ASIC2: variants seen among roughly 807,000 people sequenced by gnomAD.
ASIC2 encodes the protein acid-sensing ion channel 2.
In ASIC2, 25 loss-of-function variants were observed where a neutral mutation model predicts 57.3. The ratio of observed to expected loss-of-function variants is 0.44; its 90% CI spans 0.32 to 0.61. ASIC2 has a LOEUF of 0.61. Ranked by LOEUF, ASIC2 falls within the 20% of genes least tolerant of loss-of-function variation. The pLI is 0.06. For missense variants in ASIC2, 641 were observed against 738.1 expected (o/e 0.87, Z 1.52); for synonymous variants, 319 against 307.5 (o/e 1.04, Z -0.39).
intron 1 of ASIC2, among the ~76,000 whole-genome samples, chr17:33,954,375 G>A (rs951100153): frequency 6.6e-6 from 1 of 152,158 alleles, no homozygotes; most frequent in African/African-American, 2.4e-5. Flanking sequence ...TGTAGATTTA[G>A]GACCCTCCCT....
chr17:33,615,384 CAT>C (rs1286592947), intron 1 of ASIC2, among the ~76,000 whole-genome samples: 1 of 152,056 alleles, frequency 6.6e-6, no homozygotes, highest in African/African-American at 2.4e-5. Context: ...CACCCAAAAA[CAT>C]ATGATTCAAT....
chr17:33,354,582 G>A (rs1908305565), intron 1 of ASIC2, among the ~76,000 whole-genome samples: 1 of 151,950 alleles, frequency 6.6e-6, no homozygotes, highest in South Asian at 2.1e-4. Context: ...CTTTCCAGCA[G>A]TGTGGTCCTT....
chr17:33,855,609 T>C (rs945076149), intron 1 of ASIC2, among the ~76,000 whole-genome samples: 4 of 152,106 alleles, frequency 2.6e-5, no homozygotes, highest in African/African-American at 9.7e-5. Context: ...ACCTAGGGGC[T>C]TGACTGGACT....
Position 33,527,233 on chromosome 17 carries a change from G to C in ASIC2, c.556-415166C>G, listed in dbSNP as rs147229723. ...TGCACTGTCCAGTGGGCAGATCTAA[G>C]GAAAGAGAATTTCTTACCTGAGTCT... On this transcript the variant is annotated intron_variant, in intron 1 of 9. Coordinates refer to the ASIC2 transcript ENST00000359872. Among the ~76,000 whole-genome samples the C allele has an allele frequency of 7.0e-3, 1,063 of 152,282 alleles. 24 individuals are homozygous for C. The highest frequency in any genetic ancestry group is 0.025 in the African/African-American group (1,027 of 41,544).
chr17:33,899,940 T>G (rs34343179), intron 1 of ASIC2, among the ~76,000 whole-genome samples: 7 of 152,212 alleles, frequency 4.6e-5, no homozygotes, highest in Non-Finnish European at 8.8e-5. Flanking sequence ...GCAGCCCTGA[T>G]AGGTGATTGA....
chr17:33,783,247 G>T (rs1379083987), intron 1 of ASIC2, among the ~76,000 whole-genome samples: 1 of 152,154 alleles, frequency 6.6e-6, no homozygotes, highest in Non-Finnish European at 1.5e-5. Context: ...CTTCACCGTT[G>T]TGGTTAATAG....
At chr17:33,456,014 G>A (rs1168827620) in intron 1 of ASIC2, among the ~76,000 whole-genome samples, 1 of 152,180 alleles carries the variant, frequency 6.6e-6, no homozygotes, top group Non-Finnish European at 1.5e-5. Flanking sequence ...TAGCAGCTAA[G>A]CTGGATGAGG....
chr17:33,786,312 A>G (rs1441534997), intron 1 of ASIC2, among the ~76,000 whole-genome samples: 2 of 152,188 alleles, frequency 1.3e-5, no homozygotes, highest in Non-Finnish European at 2.9e-5. Flanking sequence ...TGGGATTCCA[A>G]GATAGAGCAG....
At chr17:33,541,335 C>T (rs1915403597) in intron 1 of ASIC2, 1 of 152,174 alleles carries the variant, frequency 6.6e-6, no homozygotes, top group African/African-American at 2.4e-5. Context: ...AATCTTTGGA[C>T]TTCTGCAAAA....
intron 1 of ASIC2, chr17:34,051,656 C>T (rs1163793466): frequency 1.3e-5 from 2 of 152,236 alleles, no homozygotes; most frequent in Admixed American, 1.3e-4. Context: ...ATGAGCACCT[C>T]AGTGCATTCT....
At chr17:33,114,829 G>A (rs974753281) in intron 1 of ASIC2, among the ~76,000 whole-genome samples, 2 of 152,254 alleles carry the variant, frequency 1.3e-5, no homozygotes, top group African/African-American at 4.8e-5. Flanking sequence ...GCAAGAAAGT[G>A]TCCAACTGGG....
At chr17:34,055,713 C>T (rs368249472) in intron 1 of ASIC2, among the ~76,000 whole-genome samples, 4 of 152,194 alleles carry the variant, frequency 2.6e-5, no homozygotes, top group East Asian at 3.9e-4. Context: ...CAGTAGTTTG[C>T]TTTTTAAAAA....
intron 1 of ASIC2, among the ~76,000 whole-genome samples, chr17:33,710,786 G>A (rs1909005929): frequency 6.6e-6 from 1 of 152,078 alleles, no homozygotes; most frequent in African/African-American, 2.4e-5. Flanking sequence ...GAGCAGTTTG[G>A]GTCCTTGTGG....
At chr17:33,532,798 C>T (rs1423508904) in intron 1 of ASIC2, among the ~76,000 whole-genome samples, 1 of 152,186 alleles carries the variant, frequency 6.6e-6, no homozygotes, top group Admixed American at 6.5e-5. Context: ...CGATACAAGT[C>T]TGCAGAGAAC....
At chr17:33,186,032 T>C (rs1906179254) in intron 1 of ASIC2, among the ~76,000 whole-genome samples, 1 of 152,218 alleles carries the variant, frequency 6.6e-6, no homozygotes. Flanking sequence ...AGTGCAAAAG[T>C]AATTGCGGTT....
chr17:33,311,187 T>G (rs1464573445), intron 1 of ASIC2, among the ~76,000 whole-genome samples: 1 of 152,216 alleles, frequency 6.6e-6, no homozygotes, highest in African/African-American at 2.4e-5. Context: ...TCTCATCTGA[T>G]TTTTTCAACC....
chr17:33,984,603 C>G (rs1007082268), intron 1 of ASIC2, among the ~76,000 whole-genome samples: 16 of 152,358 alleles, frequency 1.1e-4, no homozygotes, highest in Admixed American at 7.2e-4. Flanking sequence ...GACACTTGTG[C>G]ATCCCCTTCA....
At chr17:33,434,653 A>G (rs945166174) in intron 1 of ASIC2, among the ~76,000 whole-genome samples, 27 of 152,366 alleles carry the variant, frequency 1.8e-4, no homozygotes, top group African/African-American at 6.5e-4. Flanking sequence ...TCGATATACA[A>G]GAACTCAAGA....
intron 1 of ASIC2, among the ~76,000 whole-genome samples, chr17:34,090,701 A>G (rs1480897043): frequency 6.6e-6 from 1 of 152,200 alleles, no homozygotes; most frequent in African/African-American, 2.4e-5. Flanking sequence ...GCAACTTCCT[A>G]TAGACCCTCA....
Sources: allele counts gnomAD v4.1 joint callset (sites outside exome capture counted in the v4.1 genomes callset), GRCh38; gene constraint gnomAD v4.1.1; transcripts MANE v1.5; gene names NCBI Gene and HGNC (gene_info 2026-07-23, HGNC 2026-07-21).